The following MYO1H variants were observed in gnomAD, a reference collection of about 807,000 sequenced individuals.
The protein encoded by MYO1H is myosin IH.
A neutral mutation model predicts 149.3 loss-of-function variants in MYO1H; 118 were observed. That is an observed-to-expected ratio of 0.79 (90% confidence interval 0.68 to 0.92). MYO1H has a LOEUF of 0.92. MYO1H is among the 40% of genes least tolerant of loss of function. The pLI is 0.00. For synonymous variants in MYO1H, 447 were observed against 465.2 expected (o/e 0.96, Z 0.50); for missense variants, 1,212 against 1,280.7 (o/e 0.95, Z 0.82).
chr12:109,425,924 CTCTT>C lies in MYO1H; in HGVS notation c.1726-18_1726-15del, dbSNP rs749567562. The C allele has an allele frequency of 1.7e-5, 26 of 1,561,500 alleles. No homozygotes were observed. The highest frequency in any genetic ancestry group is 1.7e-4 in the Middle Eastern group (1 of 6,008). ...AGTATCTCTCTGGCTCGTTCTCTCT[CTCTT>C]TCTCTCTCTCTCTGCAGGTGGGGAC... On this transcript the variant is annotated intron_variant, in intron 17 of 31. Coordinates refer to ENST00000310903, the Ensembl canonical transcript of MYO1H.
intron 22 of MYO1H, 27 bp from the exon 23 acceptor site, chr12:109,438,509 T>C: frequency 6.3e-7 from 1 of 1,590,406 alleles, no homozygotes; most frequent in Non-Finnish European, 8.6e-7. Context: ...GTGCTCACCT[T>C]CTAATGCCAG....
intron 2 of MYO1H, among the ~76,000 whole-genome samples, chr12:109,389,128 T>G (rs1869522026): frequency 6.6e-6 from 1 of 152,212 alleles, no homozygotes; most frequent in Non-Finnish European, 1.5e-5. Flanking sequence ...GTCTGGCAAC[T>G]CCTTCTCAAT....
chr12:109,411,528 G>C (rs187178627), intron 13 of MYO1H, among the ~76,000 whole-genome samples: 1 of 152,230 alleles, frequency 6.6e-6, no homozygotes, highest in Non-Finnish European at 1.5e-5. Context: ...TTCTTTCCAT[G>C]AGGGCTTTTC....
At chr12:109,438,574 C>T (rs753876509) in exon 23 of MYO1H, 11 of 1,613,392 alleles carry the variant, frequency 6.8e-6, no homozygotes, top group East Asian at 2.2e-5. Context: ...GGCCCTGGCT[C>T]GGAAGGCAAT....
intron 12 of MYO1H, among the ~76,000 whole-genome samples, 193 bp from the exon 13 acceptor site, chr12:109,410,495 C>T (rs998198200): frequency 6.6e-6 from 1 of 152,096 alleles, no homozygotes; most frequent in Non-Finnish European, 1.5e-5. Flanking sequence ...CTGATTAGTA[C>T]TGAGGATTAA....
At chr12:109,397,946 C>G (rs1198970756) in intron 5 of MYO1H, 134 bp downstream of exon 5, 6 of 575,064 alleles carry the variant, frequency 1.0e-5, no homozygotes, top group Non-Finnish European at 1.8e-5. Context: ...AGGGTTAGTG[C>G]TGGTTTTAGG....
chr12:109,371,209 C>CTTT (rs1195498832), intron 1 of MYO1H, among the ~76,000 whole-genome samples: 3 of 121,524 alleles, frequency 2.5e-5, no homozygotes, highest in African/African-American at 5.9e-5. Flanking sequence ...TCTTTTTTTT[C>CTTT]TTTCTTTTTT....
intron 1 of MYO1H, among the ~76,000 whole-genome samples, chr12:109,352,761 G>T (rs73190678): frequency 0.033 from 5,004 of 152,232 alleles, 118 homozygotes; most frequent in Middle Eastern, 0.065. Context: ...AGATTTCAAA[G>T]AAAGTTGCAG....
chr12:109,347,805 C>T (rs57455334), upstream of MYO1H: 1,081 of 395,200 alleles, frequency 2.7e-3, 10 homozygotes, highest in African/African-American at 0.019. Context: ...CTGCCTCCCA[C>T]CGTAAATTAT....
At chr12:109,362,596 C>A (rs1868778064) in intron 1 of MYO1H, among the ~76,000 whole-genome samples, 1 of 152,150 alleles carries the variant, frequency 6.6e-6, no homozygotes, top group South Asian at 2.1e-4. Context: ...GACAGTCATG[C>A]AGAAGTAGGA....
chr12:109,400,953 A>G, intron 5 of MYO1H, 140 bp from the exon 6 acceptor site: 1 of 753,384 alleles, frequency 1.3e-6, no homozygotes, highest in Non-Finnish European at 2.0e-6. Flanking sequence ...TAATGACAGA[A>G]GATTGATATG....
chr12:109,392,885 C>T lies in MYO1H; in HGVS notation c.175-446C>T, dbSNP rs573861933. ...GAGTGCAGTGGCTGATCTCGGCTCA[C>T]TGCAACCTCCGCCTCCTGGGTTCAA... On this transcript the variant is annotated intron_variant, in intron 2 of 31. Coordinates refer to ENST00000310903, the Ensembl canonical transcript of MYO1H. 1.2e-3 allele frequency among the ~76,000 whole-genome samples: 179 copies of T among 151,834 alleles called. 1 individual carries two copies. Among genetic ancestry groups the T allele is most frequent in the African/African-American group, 4.0e-3 (167 of 41,440 alleles).
intron 1 of MYO1H, among the ~76,000 whole-genome samples, chr12:109,368,515 G>A (rs1423671674): frequency 6.6e-6 from 1 of 152,012 alleles, no homozygotes; most frequent in Admixed American, 6.6e-5. Context: ...AATTAGCCAG[G>A]TGCAGTGGCA....
At chr12:109,408,012 G>A (rs529524559) in intron 10 of MYO1H, 99 bp downstream of exon 10, 2 of 1,482,346 alleles carry the variant, frequency 1.3e-6, no homozygotes, top group Non-Finnish European at 1.9e-6. Flanking sequence ...TGAACTGTGG[G>A]CGCCTCATGG....
intron 30 of MYO1H, 81 bp downstream of exon 30, chr12:109,444,610 T>G (rs1339462898): frequency 2.0e-5 from 22 of 1,088,786 alleles, no homozygotes; most frequent in Non-Finnish European, 2.6e-5. Flanking sequence ...CTCATGCCTA[T>G]AATCCCAGCA....
At chr12:109,374,478 G>C (rs1869051015) in intron 1 of MYO1H, among the ~76,000 whole-genome samples, 1 of 152,160 alleles carries the variant, frequency 6.6e-6, no homozygotes, top group Non-Finnish European at 1.5e-5. Flanking sequence ...ATTGTTTGTG[G>C]TATGACTATA....
intron 1 of MYO1H, among the ~76,000 whole-genome samples, chr12:109,376,754 T>G (rs1592783438): frequency 1.3e-5 from 2 of 152,260 alleles, no homozygotes; most frequent in African/African-American, 4.8e-5. Context: ...TAAGCTGTTC[T>G]GTATACAGAT....
intron 1 of MYO1H, among the ~76,000 whole-genome samples, chr12:109,374,859 A>T (rs1592782964): frequency 6.8e-6 from 1 of 146,804 alleles, no homozygotes; most frequent in Admixed American, 6.8e-5. Flanking sequence ...TGGCCATTTG[A>T]TTTTTTTTTT....
intron 1 of MYO1H, among the ~76,000 whole-genome samples, chr12:109,350,403 G>A (rs1434131563): frequency 6.6e-6 from 1 of 152,156 alleles, no homozygotes; most frequent in Non-Finnish European, 1.5e-5. Flanking sequence ...TGTTCTCATG[G>A]TAGTGAATAA....
Sources: gnomAD v4.1 joint callset for allele counts (sites outside exome capture counted in the v4.1 genomes callset) on GRCh38, gnomAD v4.1.1 for gene constraint, MANE v1.5 for transcripts, NCBI Gene and HGNC (gene_info 2026-07-23, HGNC 2026-07-21) for gene names.